Variants in FAM168A observed in about 807,000 individuals in gnomAD.
FAM168A encodes the protein family with sequence similarity 168 member A.
Under a neutral mutation model 28.5 loss-of-function variants are expected in FAM168A, and 3 were observed. That is an observed-to-expected ratio of 0.11 (90% CI 0.05 to 0.27). The LOEUF is 0.27. Ranked by LOEUF, FAM168A falls within the 10% of genes least tolerant of loss-of-function variation. The pLI, the probability that FAM168A is intolerant of heterozygous loss-of-function variation, is 1.00. For missense variants in FAM168A, 222 were observed against 311.5 expected, an observed-to-expected ratio of 0.71 and a Z score of 2.16; for synonymous variants, 122 against 124.2, an observed-to-expected ratio of 0.98 and a Z score of 0.12.
intron 1 of FAM168A, among the ~76,000 whole-genome samples, chr11:73,543,396 G>T (rs556298856): frequency 7.6e-4 from 116 of 151,702 alleles, no homozygotes; most frequent in African/African-American, 2.7e-3. Context: ...AACTAGCTGG[G>T]ATTACAGGCA....
At chr11:73,429,436 G>A (rs1866945294) in intron 3 of FAM168A, among the ~76,000 whole-genome samples, 2 of 152,168 alleles carry the variant, frequency 1.3e-5, no homozygotes, top group African/African-American at 4.8e-5. Flanking sequence ...AAGAAAATGG[G>A]CGGGTATTAT....
intron 1 of FAM168A, among the ~76,000 whole-genome samples, chr11:73,504,670 T>C (rs758581692): frequency 1.3e-5 from 2 of 152,166 alleles, no homozygotes; most frequent in African/African-American, 4.8e-5. Context: ...CCCAAAGGAA[T>C]ATAAATCATT....
At chr11:73,438,437 T>C (rs1182980456) in intron 2 of FAM168A, among the ~76,000 whole-genome samples, 1 of 152,108 alleles carries the variant, frequency 6.6e-6, no homozygotes, top group Non-Finnish European at 1.5e-5. Context: ...AAGAAATATA[T>C]ACTGATTCCA....
At chr11:73,430,647 C>T (rs1041005724) in intron 3 of FAM168A, 43 bp downstream of exon 3, 2 of 1,562,530 alleles carry the variant, frequency 1.3e-6, no homozygotes, top group Non-Finnish European at 1.8e-6. Context: ...ATAGAGTCCC[C>T]CTTCCCACTC....
At chr11:73,534,320 C>T (rs1250587143) in intron 1 of FAM168A, among the ~76,000 whole-genome samples, 2 of 152,106 alleles carry the variant, frequency 1.3e-5, no homozygotes, top group Non-Finnish European at 2.9e-5. Flanking sequence ...CAAAAACTAA[C>T]TCAATTTTAC....
At chr11:73,594,821 G>A (rs538750995) in intron 1 of FAM168A, among the ~76,000 whole-genome samples, 17 of 152,116 alleles carry the variant, frequency 1.1e-4, no homozygotes, top group East Asian at 1.9e-4. Context: ...GAGCCACCAC[G>A]CCTGGCCATC....
chr11:73,444,034 G>T (rs1440263618), intron 2 of FAM168A, among the ~76,000 whole-genome samples: 1 of 152,200 alleles, frequency 6.6e-6, no homozygotes, highest in Non-Finnish European at 1.5e-5. Context: ...TCATAGTCCA[G>T]TGGGAAGAAC....
In FAM168A at chr11:73,545,084, G is replaced by A. The variant is rs142298079; in HGVS notation, c.-19+52839C>T. Among the ~76,000 whole-genome samples, 127 of 129,038 alleles carry A rather than the reference G, an allele frequency of 9.8e-4. 2 individuals carry two copies. The East Asian group carries it at 0.023, about 24-fold the overall frequency. The allele number at this position is 129,038 out of a possible 152,430, so 84.7% of individuals were successfully genotyped here. A position where few individuals can be genotyped will look rare whatever the true frequency, so the allele number is the denominator to read the frequency against. On this transcript the variant is annotated intron_variant, in intron 1 of 7. Transcript: ENST00000356467. ...TCTGTCACCCAGGCTGGAGTGCAGCGCCACAATCTTGGCTCACTACAACCT... is the reference window on the plus strand; with the variant it reads ...TCTGTCACCCAGGCTGGAGTGCAGCACCACAATCTTGGCTCACTACAACCT...
At chr11:73,526,049 T>C (rs1943442254) in intron 1 of FAM168A, among the ~76,000 whole-genome samples, 1 of 152,174 alleles carries the variant, frequency 6.6e-6, no homozygotes, top group Non-Finnish European at 1.5e-5. Flanking sequence ...TAAAGGACTA[T>C]TTTCTTTGGT....
chr11:73,414,967 C>A (rs1029642018), intron 4 of FAM168A, among the ~76,000 whole-genome samples: 1 of 152,202 alleles, frequency 6.6e-6, no homozygotes, highest in Admixed American at 6.5e-5. Context: ...TGGAATTTTT[C>A]TCTTCCCTGG....
chr11:73,401,035 C>G lies in FAM168A; in HGVS notation c.*5728G>C, dbSNP rs1866395588. On this transcript the variant is annotated 3_prime_UTR_variant, in exon 8 of 8. Transcript: ENST00000356467. ...ACTCCGGACTGTGTTTTGAAAACAC[C>G]TATAAATTCTTTGATCAAACTACTT... The G allele has an allele frequency of 6.6e-6, 1 of 151,496 alleles. No individual in the cohort carries two copies. 9.4% of individuals were successfully genotyped at this position (151,496 alleles called of 1,614,324 possible).
intron 1 of FAM168A, among the ~76,000 whole-genome samples, chr11:73,468,806 G>A (rs1027593957): frequency 5.9e-5 from 9 of 152,198 alleles, no homozygotes; most frequent in African/African-American, 2.2e-4. Context: ...ATGTGGCATT[G>A]GCCATGTCAC....
intron 1 of FAM168A, among the ~76,000 whole-genome samples, chr11:73,578,262 T>C (rs1165330134): frequency 6.6e-6 from 1 of 152,102 alleles, no homozygotes; most frequent in East Asian, 1.9e-4. Flanking sequence ...GAAAAGCCGA[T>C]AGGTGGTTGC....
intron 1 of FAM168A, among the ~76,000 whole-genome samples, chr11:73,508,478 G>A (rs571871701): frequency 9.2e-5 from 14 of 152,282 alleles, no homozygotes; most frequent in Middle Eastern, 3.4e-3. Context: ...GAGGCCTGGG[G>A]CTTTTCCACC....
chr11:73,563,491 G>T (rs56021202), intron 1 of FAM168A, among the ~76,000 whole-genome samples: 8,553 of 152,172 alleles, frequency 0.056, 846 homozygotes, highest in African/African-American at 0.2. Flanking sequence ...CCAACACTGT[G>T]CTGAGCAGTA....
intron 1 of FAM168A, among the ~76,000 whole-genome samples, chr11:73,546,940 C>A (rs563470546): frequency 6.6e-6 from 1 of 151,344 alleles, no homozygotes; most frequent in African/African-American, 2.4e-5. Flanking sequence ...AACAACAAAA[C>A]AATTACAATT....
At chr11:73,540,814 T>C (rs1283003222) in intron 1 of FAM168A, among the ~76,000 whole-genome samples, 1 of 152,158 alleles carries the variant, frequency 6.6e-6, no homozygotes, top group African/African-American at 2.4e-5. Context: ...AATGAAAGAC[T>C]TATGAGGGCA....
At chr11:73,507,335 G>A (rs780087496) in intron 1 of FAM168A, among the ~76,000 whole-genome samples, 69 of 152,010 alleles carry the variant, frequency 4.5e-4, no homozygotes, top group Non-Finnish European at 6.6e-4. Flanking sequence ...ATGTGAAGTG[G>A]TTCATCTTAT....
intron 1 of FAM168A, among the ~76,000 whole-genome samples, chr11:73,581,469 T>A (rs1036391319): frequency 6.6e-6 from 1 of 152,206 alleles, no homozygotes; most frequent in East Asian, 1.9e-4. Context: ...CCACTTTACA[T>A]GGGAAAAAAC....
Sources: allele counts gnomAD v4.1 joint callset (sites outside exome capture counted in the v4.1 genomes callset), GRCh38; gene constraint gnomAD v4.1.1; transcripts MANE v1.5; gene names NCBI Gene and HGNC (gene_info 2026-07-23, HGNC 2026-07-21).